SAXO1: variants seen among roughly 807,000 people sequenced by gnomAD.
SAXO1 encodes the protein stabilizer of axonemal microtubules 1.
SAXO1 carries 21 observed loss-of-function variants against 17.5 expected under a neutral mutation model. The ratio of observed to expected loss-of-function variants is 1.20; its 90% CI spans 0.85 to 1.72. The LOEUF is 1.72. Ranked by LOEUF, SAXO1 falls within the 40% of genes most tolerant of loss-of-function variation. The probability of loss-of-function intolerance (pLI) is 0.00; values close to 1 mark genes in which losing one functional copy is unlikely to be tolerated. For synonymous variants in SAXO1, 274 were observed against 216.5 expected (o/e 1.27, Z -2.33); for missense variants, 843 against 596.0 (o/e 1.41, Z -4.32).
intron 1 of SAXO1, among the ~76,000 whole-genome samples, chr9:19,006,521 G>A (rs992842726): frequency 1.3e-5 from 2 of 152,184 alleles, no homozygotes; most frequent in African/African-American, 4.8e-5. Flanking sequence ...GGTCACAACA[G>A]AACAAATATT....
chr9:18,959,821 T>C (rs1365276624), intron 1 of SAXO1, among the ~76,000 whole-genome samples: 1 of 145,738 alleles, frequency 6.9e-6, no homozygotes, highest in African/African-American at 2.5e-5. Flanking sequence ...CTCTAGGGAG[T>C]GTGCTGAAGG....
chr9:19,013,270 C>T (rs1834829655), intron 1 of SAXO1, among the ~76,000 whole-genome samples: 1 of 152,152 alleles, frequency 6.6e-6, no homozygotes, highest in East Asian at 1.9e-4. Flanking sequence ...CAGGTGGGTG[C>T]CTAAAGATCT....
intron 1 of SAXO1, among the ~76,000 whole-genome samples, chr9:19,046,082 C>CAA (rs57919139): frequency 0.37 from 20,387 of 55,370 alleles, 3,332 homozygotes; most frequent in African/African-American, 0.52. Context: ...AACTCCGTCT[C>CAA]AAAAAAAAAA....
intron 1 of SAXO1, among the ~76,000 whole-genome samples, chr9:18,974,615 A>G (rs1048115015): frequency 6.6e-6 from 1 of 152,268 alleles, no homozygotes; most frequent in Admixed American, 6.5e-5. Context: ...GAGCTCAAAC[A>G]GGGAATAATT....
chr9:19,014,554 C>T (rs117152600), intron 1 of SAXO1, among the ~76,000 whole-genome samples: 1,815 of 150,340 alleles, frequency 0.012, 16 homozygotes, highest in Non-Finnish European at 0.015. Context: ...AAATTGCTAT[C>T]GGAAATATCA....
intron 1 of SAXO1, among the ~76,000 whole-genome samples, chr9:19,015,870 C>T (rs797016583): frequency 4.6e-5 from 7 of 152,218 alleles, no homozygotes; most frequent in African/African-American, 1.7e-4. Context: ...TAGTCCATCA[C>T]CCACCTGCAT....
intron 1 of SAXO1, among the ~76,000 whole-genome samples, chr9:18,958,559 A>G (rs6475279): frequency 0.77 from 116,041 of 151,576 alleles, 44,522 homozygotes; most frequent in Middle Eastern, 0.83. Context: ...TTTGGTACGC[A>G]TATAACAAAG....
chr9:18,981,946 C>A (rs1040776281), intron 1 of SAXO1, among the ~76,000 whole-genome samples: 10 of 152,162 alleles, frequency 6.6e-5, no homozygotes, highest in Non-Finnish European at 1.2e-4. Context: ...CTGGATGAGC[C>A]GGACCCTGAC....
chr9:19,000,458 T>C (rs953819074), intron 1 of SAXO1, among the ~76,000 whole-genome samples: 11 of 151,776 alleles, frequency 7.2e-5, no homozygotes, highest in African/African-American at 2.7e-4. Flanking sequence ...CGCCCCACCG[T>C]CTGGGATGTG....
chr9:19,045,455 A>G lies in SAXO1; in HGVS notation c.-158+3754T>C, dbSNP rs182926393. ...TATTCCCTGCAAAGATGCAAAGAGT[A>G]AAACAGGGGGTCTCTGGACTAGGGA... On this transcript the variant is annotated intron_variant, in intron 1 of 3. Coordinates refer to the SAXO1 transcript ENST00000542071. Among the ~76,000 whole-genome samples, 374 of 150,628 alleles carry G rather than the reference A, an allele frequency of 2.5e-3. 3 individuals are homozygous for G. The highest frequency in any genetic ancestry group is 8.8e-3 in the African/African-American group (358 of 40,812).
At chr9:18,976,876 A>T (rs1485339931) in intron 1 of SAXO1, among the ~76,000 whole-genome samples, 1 of 152,242 alleles carries the variant, frequency 6.6e-6, no homozygotes, top group Admixed American at 6.5e-5. Context: ...CAGCTACACC[A>T]AGTGAAAGTC....
intron 1 of SAXO1, 142 bp from the exon 2 acceptor site, chr9:18,951,079 T>C (rs1832019140): frequency 1.2e-6 from 1 of 847,044 alleles, no homozygotes; most frequent in Non-Finnish European, 1.8e-6. Flanking sequence ...CGGTTACTTT[T>C]TTCCACTAAA....
chr9:19,027,994 G>A, intron 1 of SAXO1: 3 of 1,587,170 alleles, frequency 1.9e-6, no homozygotes, highest in Non-Finnish European at 2.6e-6. Flanking sequence ...CTTCAACGGG[G>A]CCCAGTGCAA....
upstream of SAXO1, among the ~76,000 whole-genome samples, chr9:19,034,707 G>A (rs931940489): frequency 1.3e-5 from 2 of 152,180 alleles, no homozygotes; most frequent in African/African-American, 4.8e-5. Flanking sequence ...AACTCTACAG[G>A]GGAGGATGGA....
At position 18,988,588 on chromosome 9, in the gene SAXO1, C is replaced by A. The variant is rs115220640; in HGVS notation, c.39-37651G>T. ...TACATTAAATCATGGCAAAGCTGTG[C>A]ATTTTATACGTTGAATGTATATTTT... is the stretch of plus-strand genomic sequence containing the variant. On this transcript the variant is annotated intron_variant, in intron 1 of 3. Transcript: ENST00000380534. 4.3e-3 allele frequency among the ~76,000 whole-genome samples: 655 copies of A among 152,264 alleles called. 3 individuals carry two copies. The highest frequency in any genetic ancestry group is 0.015 in the African/African-American group (626 of 41,534).
In SAXO1 at chr9:18,928,563, G is replaced by A. The variant is rs1226932094; in HGVS notation, c.914C>T (p.Thr305Ile). 1.2e-6 allele frequency: 2 copies of A among 1,614,014 alleles called. No individual in the cohort carries two copies. The highest frequency in any genetic ancestry group is 1.7e-5 in the Admixed American group (1 of 59,996). Residue 305 changes from threonine to isoleucine, a missense_variant, in exon 4 of 4, where the codon ACA (threonine) becomes ATA (isoleucine). Thr to Ile is a moderately conservative substitution (Grantham distance 89). Transcript: ENST00000380534. ...VPPEDRMDLL[T>I]TVQAHYTCPK... is the part of the protein sequence containing the mutation. The stretch of plus-strand genomic sequence containing the variant: ...GCATGTGTAATGGGCCTGCACTGTT[G>A]TCAGAAGATCCATCCTGTCTTCGGG...
At chr9:18,967,273 T>C (rs950958132) in intron 1 of SAXO1, among the ~76,000 whole-genome samples, 10 of 152,232 alleles carry the variant, frequency 6.6e-5, no homozygotes, top group African/African-American at 2.4e-4. Flanking sequence ...GCTCGACAGC[T>C]GTCCTGGGAG....
At chr9:19,035,295 A>G (rs1245580590), upstream of SAXO1, among the ~76,000 whole-genome samples, 1 of 152,220 alleles carries the variant, frequency 6.6e-6, no homozygotes, top group Non-Finnish European at 1.5e-5. Flanking sequence ...ATGATAGAGA[A>G]TAAGTCTCAT....
intron 1 of SAXO1, among the ~76,000 whole-genome samples, chr9:19,001,180 A>T (rs954848605): frequency 5.3e-5 from 8 of 152,206 alleles, no homozygotes; most frequent in Non-Finnish European, 7.3e-5. Context: ...ACTTGACCAC[A>T]TAGTTGGAAG....
Sources: allele counts gnomAD v4.1 joint callset (sites outside exome capture counted in the v4.1 genomes callset), GRCh38; gene constraint gnomAD v4.1.1; transcripts MANE v1.5; gene names NCBI Gene and HGNC (gene_info 2026-07-23, HGNC 2026-07-21).